UNC5C: variants seen among roughly 807,000 people sequenced by gnomAD.
The protein encoded by UNC5C is netrin receptor UNC5C.
In UNC5C, 47 loss-of-function variants were observed where a neutral mutation model predicts 99.8. The ratio of observed to expected loss-of-function variants is 0.47; its 90% CI spans 0.37 to 0.60. The LOEUF (loss-of-function observed/expected upper bound fraction) is 0.60. Ranked by LOEUF, UNC5C falls within the 20% of genes least tolerant of loss-of-function variation. The pLI is 0.00. For missense variants in UNC5C, 1,062 were observed against 1,165.9 expected (o/e 0.91, Z 1.30); for synonymous variants, 487 against 452.2 (o/e 1.08, Z -0.98).
chr4:95,205,271 G>T (rs3775048), intron 11 of UNC5C, among the ~76,000 whole-genome samples: 1 of 152,022 alleles, frequency 6.6e-6, no homozygotes, highest in African/African-American at 2.4e-5. Flanking sequence ...AGAATCATGC[G>T]AATAATTTAG....
At chr4:95,478,357 C>A (rs1463021708) in intron 1 of UNC5C, among the ~76,000 whole-genome samples, 1 of 151,974 alleles carries the variant, frequency 6.6e-6, no homozygotes, top group Non-Finnish European at 1.5e-5. Flanking sequence ...TTTTCAGCTG[C>A]CACTTTCTCC....
chr4:95,382,981 C>T (rs377045497), intron 1 of UNC5C, among the ~76,000 whole-genome samples: 9 of 152,288 alleles, frequency 5.9e-5, no homozygotes, highest in African/African-American at 2.2e-4. Context: ...ATTAACTTAA[C>T]CGCAGATACA....
chr4:95,228,619 G>A lies in UNC5C; in HGVS notation c.1109-8443C>T, dbSNP rs117684825. ...GCCAGGGTTGGATCCCAGCCCTCAGGCTACACCTCCACCGTCCTTCTTAAG... is the reference window on the plus strand; with the variant it reads ...GCCAGGGTTGGATCCCAGCCCTCAGACTACACCTCCACCGTCCTTCTTAAG... On this transcript the variant is annotated intron_variant, in intron 7 of 15. Transcript: ENST00000453304. 2.9e-3 allele frequency among the ~76,000 whole-genome samples: 447 copies of A among 152,290 alleles called. 4 individuals carry two copies. The East Asian group carries it at 0.04, about 13-fold the overall frequency.
intron 3 of UNC5C, among the ~76,000 whole-genome samples, chr4:95,296,178 G>A (rs966421678): frequency 6.6e-6 from 1 of 152,186 alleles, no homozygotes. Context: ...TGTACAGAGA[G>A]AATTTGAAAA....
intron 1 of UNC5C, among the ~76,000 whole-genome samples, chr4:95,468,741 C>T (rs907739743): frequency 6.6e-6 from 1 of 152,072 alleles, no homozygotes; most frequent in Non-Finnish European, 1.5e-5. Context: ...CTTAATGACA[C>T]CTGATCTAGA....
chr4:95,369,690 A>G (rs527348423), intron 1 of UNC5C, among the ~76,000 whole-genome samples: 1 of 152,286 alleles, frequency 6.6e-6, no homozygotes, highest in South Asian at 2.1e-4. Flanking sequence ...CACATTAGCA[A>G]TACCATTGAT....
intron 1 of UNC5C, among the ~76,000 whole-genome samples, chr4:95,514,511 A>C (rs1722161760): frequency 1.3e-5 from 2 of 151,806 alleles, no homozygotes; most frequent in South Asian, 4.1e-4. Context: ...TCTATAATTT[A>C]CTGTATCTTT....
intron 12 of UNC5C, among the ~76,000 whole-genome samples, chr4:95,201,804 C>T: frequency 6.6e-6 from 1 of 152,134 alleles, no homozygotes; most frequent in Non-Finnish European, 1.5e-5. Context: ...CGGGGTTTCA[C>T]CGTGTTAGCC....
At chr4:95,379,868 G>A (rs906093822) in intron 1 of UNC5C, among the ~76,000 whole-genome samples, 7 of 152,140 alleles carry the variant, frequency 4.6e-5, no homozygotes, top group Admixed American at 6.5e-5. Flanking sequence ...TCAGGCTTTC[G>A]TTAGTTCTGT....
At chr4:95,333,301 G>A (rs1338748043) in intron 2 of UNC5C, among the ~76,000 whole-genome samples, 5 of 152,132 alleles carry the variant, frequency 3.3e-5, no homozygotes, top group Non-Finnish European at 7.3e-5. Context: ...ATTCACAATA[G>A]CAAAGACTTG....
At chr4:95,331,789 G>A (rs1743123080) in intron 2 of UNC5C, among the ~76,000 whole-genome samples, 1 of 152,068 alleles carries the variant, frequency 6.6e-6, no homozygotes, top group Non-Finnish European at 1.5e-5. Context: ...CAATATATGT[G>A]TATATGTGTG....
At chr4:95,379,140 G>A (rs1234136118) in intron 1 of UNC5C, among the ~76,000 whole-genome samples, 1 of 152,114 alleles carries the variant, frequency 6.6e-6, no homozygotes, top group Non-Finnish European at 1.5e-5. Flanking sequence ...GAAATAGTCT[G>A]ATCAATAATA....
At chr4:95,193,095 T>C (rs1420176893) in intron 12 of UNC5C, among the ~76,000 whole-genome samples, 1 of 152,240 alleles carries the variant, frequency 6.6e-6, no homozygotes, top group Non-Finnish European at 1.5e-5. Flanking sequence ...CTCTGCTAGC[T>C]TCTTTCTTTA....
rs538443268 is a variant in UNC5C, at chr4:95,412,434, C to T, written c.125-76803G>A. On this transcript the variant is annotated intron_variant, in intron 1 of 15. Transcript: ENST00000453304. The stretch of plus-strand genomic sequence containing the variant: ...TGGCAATCTCATGTTAGGTCCCCTC[C>T]AATCCTAGACTGGAAGCTCCTTGAA... Among the ~76,000 whole-genome samples the T allele has an allele frequency of 1.5e-4, 23 of 152,240 alleles. No individual in the cohort carries two copies. The South Asian group carries it at 1.7e-3, about 11-fold the overall frequency.
At chr4:95,268,520 A>G (rs1162611047) in intron 4 of UNC5C, among the ~76,000 whole-genome samples, 1 of 152,198 alleles carries the variant, frequency 6.6e-6, no homozygotes, top group East Asian at 1.9e-4. Flanking sequence ...CCCTTCTGAT[A>G]CACAAACTTG....
At position 95,163,943 on chromosome 4, in the gene UNC5C, T is replaced by C. The variant is rs1273940537; in HGVS notation, c.*5291A>G. 6.6e-6 allele frequency: 1 copy of C among 152,260 alleles called. No individual in the cohort carries two copies. Among genetic ancestry groups the C allele is most frequent in the Non-Finnish European group, 1.5e-5 (1 of 68,074 alleles). 9.4% of individuals were successfully genotyped at this position (152,260 alleles called of 1,614,324 possible). On this transcript the variant is annotated 3_prime_UTR_variant, in exon 16 of 16. Transcript: ENST00000453304. The stretch of plus-strand genomic sequence containing the variant: ...CACTTGCGGAGTACCTGTTGGTTTG[T>C]CCTGCTGATGCCCCCCAACCATGCT...
intron 1 of UNC5C, among the ~76,000 whole-genome samples, chr4:95,471,257 C>T (rs1053964623): frequency 7.9e-5 from 12 of 151,986 alleles, no homozygotes; most frequent in South Asian, 2.1e-4. Context: ...AAATATATTA[C>T]GCTAAAAGCA....
chr4:95,322,144 A>G (rs1027131237), intron 2 of UNC5C, among the ~76,000 whole-genome samples: 2 of 152,244 alleles, frequency 1.3e-5, no homozygotes, highest in African/African-American at 2.4e-5. Flanking sequence ...TGCATCATTT[A>G]CTAAAATTTA....
chr4:95,447,570 G>A (rs1374134669), intron 1 of UNC5C, among the ~76,000 whole-genome samples: 1 of 151,792 alleles, frequency 6.6e-6, no homozygotes, highest in African/African-American at 2.4e-5. Flanking sequence ...GCGCAATCTC[G>A]GCTTACTGCA....
Sources: gnomAD v4.1 joint callset for allele counts (sites outside exome capture counted in the v4.1 genomes callset) on GRCh38, gnomAD v4.1.1 for gene constraint, MANE v1.5 for transcripts, NCBI Gene and HGNC (gene_info 2026-07-23, HGNC 2026-07-21) for gene names.